The following EBF3 variants were observed in gnomAD, a reference collection of about 807,000 sequenced individuals.
The protein encoded by EBF3 is transcription factor COE3.
EBF3 carries 18 observed loss-of-function variants against 77.1 expected under a neutral mutation model. The observed-to-expected ratio is 0.23, with a 90% CI of 0.16 to 0.35. EBF3 has a LOEUF of 0.35. EBF3 is among the 10% of genes least tolerant of loss of function. The probability of loss-of-function intolerance (pLI) is 1.00; values close to 1 mark genes in which losing one functional copy is unlikely to be tolerated. For synonymous variants in EBF3, 350 were observed against 343.5 expected (o/e 1.02, Z -0.21); for missense variants, 558 against 860.0 (o/e 0.65, Z 4.39).
At chr10:129,958,696 C>A (rs1473464389) in intron 5 of EBF3, among the ~76,000 whole-genome samples, 1 of 152,204 alleles carries the variant, frequency 6.6e-6, no homozygotes, top group Admixed American at 6.5e-5. Context: ...TACACTGCAA[C>A]GACACGGCCC....
intron 6 of EBF3, among the ~76,000 whole-genome samples, chr10:129,946,717 C>G (rs959001555): frequency 2.6e-4 from 40 of 152,318 alleles, no homozygotes; most frequent in South Asian, 1.0e-3. Flanking sequence ...TCAGTGCCCC[C>G]ACATTGTGGG....
chr10:129,860,973 A>C (rs1851590969), intron 10 of EBF3, among the ~76,000 whole-genome samples: 1 of 152,238 alleles, frequency 6.6e-6, no homozygotes. Context: ...CAAATAGTCT[A>C]CTTGTGCAAT....
intron 6 of EBF3, 39 bp from the exon 7 acceptor site, chr10:129,877,888 T>A (rs770249741): frequency 6.5e-7 from 1 of 1,543,128 alleles, no homozygotes; most frequent in South Asian, 1.2e-5. Flanking sequence ...ATTAGGGTTA[T>A]CAGACAAAAG....
chr10:129,943,270 C>T lies in EBF3; in HGVS notation c.554+13988G>A, dbSNP rs1028580116. On this transcript the variant is annotated intron_variant, in intron 6 of 16. Transcript: ENST00000440978. The surrounding 1 kb of genome is among the most constrained non-coding windows in gnomAD (Gnocchi z 8.8). ...CAAACAAATAAACAGCAAATACTTA[C>T]AGGAGACAGCCTTGTAGAACTGATT... Among the ~76,000 whole-genome samples the T allele has an allele frequency of 6.6e-6, 1 of 152,224 alleles. No homozygotes were observed. The highest frequency in any genetic ancestry group is 1.5e-5 in the Non-Finnish European group (1 of 68,042).
chr10:129,928,275 A>C (rs934108712), intron 6 of EBF3, among the ~76,000 whole-genome samples: 1 of 152,242 alleles, frequency 6.6e-6, no homozygotes, highest in Non-Finnish European at 1.5e-5. Context: ...AAAAGTATAC[A>C]AAAAATATAA....
chr10:129,882,532 G>C (rs1853279996), intron 6 of EBF3, among the ~76,000 whole-genome samples: 1 of 152,246 alleles, frequency 6.6e-6, no homozygotes, highest in Admixed American at 6.5e-5. Context: ...GCTCTAGTGG[G>C]TTCCAGGATG....
Position 129,927,124 on chromosome 10 carries a change from A to T in EBF3, c.554+30134T>A, listed in dbSNP as rs551622526. Among the ~76,000 whole-genome samples, 17 of 152,292 alleles carry T rather than the reference A, an allele frequency of 1.1e-4. 1 individual carries two copies. The highest frequency in any genetic ancestry group is 1.9e-4 in the Non-Finnish European group (13 of 68,030). ...CCACTGCCAGTCCATTCAGTTGCTT[A>T]TTGCCTGAGAAGCGACACAACCGAC... On this transcript the variant is annotated intron_variant, in intron 6 of 16. Coordinates refer to ENST00000440978, the MANE Select transcript of EBF3 (RefSeq NM_001375380.1).
chr10:129,904,920 CAG>C (rs1194122352), intron 6 of EBF3, among the ~76,000 whole-genome samples: 1 of 152,236 alleles, frequency 6.6e-6, no homozygotes, highest in African/African-American at 2.4e-5. Flanking sequence ...GAGTAGGAAA[CAG>C]ACACAAAATT....
chr10:129,873,785 T>C (rs1424578823), intron 7 of EBF3, among the ~76,000 whole-genome samples, 189 bp from the exon 8 acceptor site: 1 of 152,262 alleles, frequency 6.6e-6, no homozygotes. Flanking sequence ...TTGTTTGTTT[T>C]GTTTTGACTC....
rs186448015 is a variant in EBF3 at position 129,944,788 on chromosome 10, A to T, written c.554+12470T>A. On this transcript the variant is annotated intron_variant, in intron 6 of 16. Transcript: ENST00000440978. This position sits in a 1 kb window ranked among gnomAD's most constrained non-coding sequence, Gnocchi z 5.1. The stretch of plus-strand genomic sequence containing the variant: ...TTCACATTTTACCTGGTGAAATATC[A>T]TAAGAATTTCATTATCTTTGCAGCT... Among the ~76,000 whole-genome samples the T allele has an allele frequency of 3.3e-5, 5 of 152,018 alleles. No individual in the cohort carries two copies. Among genetic ancestry groups the T allele is most frequent in the Admixed American group, 3.3e-4 (5 of 15,256 alleles).
chr10:129,943,787 T>C lies in EBF3; in HGVS notation c.554+13471A>G, dbSNP rs1370258988. 2.0e-5 allele frequency among the ~76,000 whole-genome samples: 3 copies of C among 152,354 alleles called. No homozygotes were observed. The highest frequency in any genetic ancestry group is 1.9e-4 in the East Asian group (1 of 5,194). ...CACAGAAACAAAGATTCAGTCTCTT[T>C]AAGGTTTTTGGGCTTGATCCTTTTG... On this transcript the variant is annotated intron_variant, in intron 6 of 16. Coordinates refer to ENST00000440978, the MANE Select transcript of EBF3 (RefSeq NM_001375380.1). This position sits in a 1 kb window ranked among gnomAD's most constrained non-coding sequence, Gnocchi z 8.8.
intron 6 of EBF3, among the ~76,000 whole-genome samples, chr10:129,929,251 C>G (rs924360347): frequency 2.0e-5 from 3 of 152,106 alleles, no homozygotes; most frequent in Admixed American, 1.3e-4. Flanking sequence ...GTCACCCAGG[C>G]TGGAGTACAG....
intron 6 of EBF3, among the ~76,000 whole-genome samples, chr10:129,888,479 G>A (rs1853774536): frequency 6.6e-6 from 1 of 152,272 alleles, no homozygotes; most frequent in Admixed American, 6.5e-5. Flanking sequence ...AGGCCGCGGA[G>A]GCCCAGTCCC....
chr10:129,957,383 C>G, intron 5 of EBF3, 57 bp from the exon 6 acceptor site: 1 of 1,330,676 alleles, frequency 7.5e-7, no homozygotes. Context: ...TTATGCCCGA[C>G]TTGTATTTTT....
rs890254743 is a variant in EBF3, at chr10:129,848,538, C to T, written c.1040-58G>A. The T allele has an allele frequency of 8.4e-6, 13 of 1,554,014 alleles. No individual in the cohort carries two copies. Among genetic ancestry groups the T allele is most frequent in the South Asian group, 1.1e-5 (1 of 89,896 alleles). ...AATTACTTTTATGTCATCCATTACT[C>T]GTTTATTGCACACTTACAAATAAAT... On this transcript the variant is annotated intron_variant, in intron 10 of 16. Transcript: ENST00000440978. This position sits in a 1 kb window ranked among gnomAD's most constrained non-coding sequence, Gnocchi z 4.4.
intron 7 of EBF3, among the ~76,000 whole-genome samples, chr10:129,875,399 T>C (rs1305627966): frequency 2.6e-5 from 4 of 152,232 alleles, no homozygotes; most frequent in African/African-American, 9.6e-5. Context: ...GGTTTCATCA[T>C]GTTGGCCAGG....
intron 6 of EBF3, among the ~76,000 whole-genome samples, chr10:129,918,859 G>A (rs867266364): frequency 6.6e-6 from 1 of 152,222 alleles, no homozygotes; most frequent in Non-Finnish European, 1.5e-5. Flanking sequence ...TCAAACTCCA[G>A]TCCAGTGTTA....
chr10:129,951,405 A>G (rs1051297294), intron 6 of EBF3, among the ~76,000 whole-genome samples: 1 of 152,234 alleles, frequency 6.6e-6, no homozygotes, highest in African/African-American at 2.4e-5. Flanking sequence ...AGCTTCTGAC[A>G]GCCCTGCTTC....
At chr10:129,894,479 G>A (rs533880795) in intron 6 of EBF3, among the ~76,000 whole-genome samples, 19 of 152,266 alleles carry the variant, frequency 1.2e-4, no homozygotes, top group African/African-American at 4.3e-4. Flanking sequence ...GGTCCCAGGG[G>A]AGAGGCCCCC....
Sources: allele counts gnomAD v4.1 joint callset (sites outside exome capture counted in the v4.1 genomes callset), GRCh38; gene constraint gnomAD v4.1.1; non-coding constraint Gnocchi (gnomAD v3.1); transcripts MANE v1.5; gene names NCBI Gene and HGNC (gene_info 2026-07-23, HGNC 2026-07-21).